The following PACS1 variants were observed in gnomAD, a reference collection of about 807,000 sequenced individuals.
PACS1 encodes the protein phosphofurin acidic cluster sorting protein 1.
In PACS1, 24 loss-of-function variants were observed where a neutral mutation model predicts 115.0. The ratio of observed to expected loss-of-function variants is 0.21; its 90% CI spans 0.15 to 0.29. PACS1 has a LOEUF of 0.29. PACS1 is among the 10% of genes least tolerant of loss of function. PACS1 has a pLI of 1.00. For missense variants in PACS1, 838 were observed against 1,251.2 expected, an observed-to-expected ratio of 0.67 and a Z score of 4.98; for synonymous variants, 453 against 504.5, an observed-to-expected ratio of 0.90 and a Z score of 1.37.
chr11:66,234,439 C>T (rs776893179), intron 17 of PACS1, among the ~76,000 whole-genome samples, 197 bp downstream of exon 17: 2 of 152,266 alleles, frequency 1.3e-5, no homozygotes, highest in Non-Finnish European at 2.9e-5. Flanking sequence ...TGCCAGTTTT[C>T]ATCCTCTGCT....
At chr11:66,119,285 T>C (rs1170338327) in intron 1 of PACS1, among the ~76,000 whole-genome samples, 1 of 152,158 alleles carries the variant, frequency 6.6e-6, no homozygotes, top group Non-Finnish European at 1.5e-5. Context: ...CATGTGAAAA[T>C]TATATGAAAT....
At chr11:66,086,813 C>G (rs758214074) in intron 1 of PACS1, among the ~76,000 whole-genome samples, 7 of 151,920 alleles carry the variant, frequency 4.6e-5, no homozygotes, top group Non-Finnish European at 1.0e-4. Context: ...AATGGGGTTT[C>G]ACCAAGTTGG....
intron 1 of PACS1, among the ~76,000 whole-genome samples, chr11:66,144,214 GACTA>G (rs1204515038): frequency 6.6e-6 from 1 of 152,182 alleles, no homozygotes; most frequent in Admixed American, 6.5e-5. Flanking sequence ...AGAATGAGAA[GACTA>G]ACTAATAGTA....
chr11:66,147,481 G>C (rs1226306871), intron 1 of PACS1, among the ~76,000 whole-genome samples: 1 of 152,132 alleles, frequency 6.6e-6, no homozygotes. Flanking sequence ...GCTTAAAGTA[G>C]TAAAGAACAT....
chr11:66,223,883 T>C (rs190923886), intron 10 of PACS1, among the ~76,000 whole-genome samples: 2 of 152,254 alleles, frequency 1.3e-5, no homozygotes, highest in African/African-American at 4.8e-5. Context: ...GTGGTGTCGG[T>C]ATAGGAGCCC....
chr11:66,083,204 T>C (rs1590731952), intron 1 of PACS1, among the ~76,000 whole-genome samples: 2 of 152,202 alleles, frequency 1.3e-5, no homozygotes, highest in South Asian at 2.1e-4. Context: ...ACCAAGGTCC[T>C]CTGGGAACAT....
At chr11:66,242,282 G>T (rs1855831664) in intron 22 of PACS1, among the ~76,000 whole-genome samples, 1 of 152,228 alleles carries the variant, frequency 6.6e-6, no homozygotes, top group African/African-American at 2.4e-5. Flanking sequence ...CTGCAGCACT[G>T]GCATGACCCC....
chr11:66,074,196 A>G (rs1857358096), intron 1 of PACS1, among the ~76,000 whole-genome samples: 1 of 152,076 alleles, frequency 6.6e-6, no homozygotes, highest in South Asian at 2.1e-4. Context: ...AGAGGTAATC[A>G]CTGTGAAATA....
chr11:66,229,739 C>G (rs566793982), intron 11 of PACS1, among the ~76,000 whole-genome samples: 2 of 151,970 alleles, frequency 1.3e-5, no homozygotes, highest in East Asian at 1.9e-4. Flanking sequence ...GTCAGGAATT[C>G]GAGACCTGCC....
intron 1 of PACS1, among the ~76,000 whole-genome samples, chr11:66,072,736 T>G (rs1378533606): frequency 6.6e-6 from 1 of 152,234 alleles, no homozygotes; most frequent in Admixed American, 6.5e-5. Flanking sequence ...AGAAACACTG[T>G]GTTCCTTCCT....
At chr11:66,106,054 G>C (rs1858031505) in intron 1 of PACS1, among the ~76,000 whole-genome samples, 1 of 152,178 alleles carries the variant, frequency 6.6e-6, no homozygotes, top group Admixed American at 6.5e-5. Context: ...GTCATGTAAA[G>C]AGGCAGCATT....
intron 2 of PACS1, among the ~76,000 whole-genome samples, chr11:66,208,691 A>AAAGG (rs71270567): frequency 0.23 from 34,623 of 147,950 alleles, 4,514 homozygotes; most frequent in East Asian, 0.43. Context: ...AAAAAGAAAG[A>AAAGG]AAGGAAGGAA....
At chr11:66,108,916 C>T (rs1042550278) in intron 1 of PACS1, among the ~76,000 whole-genome samples, 1 of 152,136 alleles carries the variant, frequency 6.6e-6, no homozygotes, top group Non-Finnish European at 1.5e-5. Flanking sequence ...CTGCAATGAG[C>T]TATGTTTGTG....
intron 2 of PACS1, among the ~76,000 whole-genome samples, chr11:66,201,017 C>T (rs1036710798): frequency 2.6e-5 from 4 of 151,790 alleles, no homozygotes; most frequent in African/African-American, 4.8e-5. Context: ...TCAGGAGATC[C>T]ATAGCATCCT....
chr11:66,153,548 C>T (rs1003501348), intron 1 of PACS1, among the ~76,000 whole-genome samples: 3 of 151,998 alleles, frequency 2.0e-5, no homozygotes, highest in Non-Finnish European at 2.9e-5. Context: ...TTGGGAGGCT[C>T]AGGTGGGCGG....
In PACS1 at chr11:66,134,384, G is replaced by T. The variant is rs117447205; in HGVS notation, c.357-59102G>T. Among the ~76,000 whole-genome samples, 87 of 143,540 alleles carry T rather than the reference G, an allele frequency of 6.1e-4. 1 individual carries two copies. The East Asian group carries it at 0.018, about 30-fold the overall frequency. The allele number at this position is 143,540 out of a possible 152,430, so 94.2% of individuals were successfully genotyped here. On this transcript the variant is annotated intron_variant, in intron 1 of 23. Transcript: ENST00000320580. ...AGGTTCAAGTGATTCTTGTGCCTCA[G>T]CCTCCCTAGTAGCTGGGACCTACAG...
chr11:66,145,398 G>A (rs1418905228), intron 1 of PACS1, among the ~76,000 whole-genome samples: 5 of 152,136 alleles, frequency 3.3e-5, no homozygotes, highest in Non-Finnish European at 4.4e-5. Context: ...CATTGACAGT[G>A]AAAGTAATGA....
intron 1 of PACS1, among the ~76,000 whole-genome samples, chr11:66,110,401 TC>T (rs1565110242): frequency 6.6e-6 from 1 of 152,118 alleles, no homozygotes; most frequent in African/African-American, 2.4e-5. Flanking sequence ...AGCCTCGCCC[TC>T]CTGGGCTCAA....
chr11:66,130,085 G>A (rs1565117880), intron 1 of PACS1, among the ~76,000 whole-genome samples: 1 of 152,150 alleles, frequency 6.6e-6, no homozygotes, highest in South Asian at 2.1e-4. Context: ...ACCATCCCCC[G>A]AGTTGGGTTT....
Sources: allele counts gnomAD v4.1 joint callset (sites outside exome capture counted in the v4.1 genomes callset), GRCh38; gene constraint gnomAD v4.1.1; transcripts MANE v1.5; gene names NCBI Gene and HGNC (gene_info 2026-07-23, HGNC 2026-07-21).